Variants in RUNDC3B observed in about 807,000 individuals in gnomAD.
The protein encoded by RUNDC3B is RUN domain containing 3B.
Under a neutral mutation model 58.4 loss-of-function variants are expected in RUNDC3B, and 33 were observed. The ratio of observed to expected loss-of-function variants is 0.56; its 90% CI spans 0.43 to 0.75. The LOEUF (loss-of-function observed/expected upper bound fraction) is 0.75, where lower values mean the gene tolerates loss of function less well. Among genes scored for constraint, RUNDC3B ranks in the 30% least tolerant of loss-of-function variants. The pLI is 0.00. For missense variants in RUNDC3B, 501 were observed against 535.7 expected (o/e 0.94, Z 0.64); for synonymous variants, 193 against 195.2 (o/e 0.99, Z 0.10).
chr7:87,749,964 G>T (rs1419723152), intron 6 of RUNDC3B, among the ~76,000 whole-genome samples: 1 of 151,690 alleles, frequency 6.6e-6, no homozygotes, highest in Non-Finnish European at 1.5e-5. Flanking sequence ...TGCCATGCTG[G>T]TGTGCTGCAC....
intron 8 of RUNDC3B, among the ~76,000 whole-genome samples, chr7:87,787,356 A>C (rs1215381110): frequency 3.3e-5 from 5 of 152,160 alleles, no homozygotes; most frequent in Admixed American, 3.3e-4. Flanking sequence ...CAGAAAATTA[A>C]AATTGTAAAG....
chr7:87,739,279 T>C (rs899407238), intron 4 of RUNDC3B, among the ~76,000 whole-genome samples: 5 of 152,028 alleles, frequency 3.3e-5, no homozygotes, highest in African/African-American at 1.2e-4. Context: ...GATTGCACTA[T>C]TAAGGTTACC....
At chr7:87,799,046 A>G (rs993021576) in intron 8 of RUNDC3B, among the ~76,000 whole-genome samples, 4 of 152,246 alleles carry the variant, frequency 2.6e-5, no homozygotes, top group African/African-American at 7.2e-5. Flanking sequence ...CACAAGCCAT[A>G]TACATGTTTT....
chr7:87,672,985 C>T (rs988171357), intron 2 of RUNDC3B, among the ~76,000 whole-genome samples: 1 of 152,160 alleles, frequency 6.6e-6, no homozygotes, highest in African/African-American at 2.4e-5. Context: ...TGCTTCTGGT[C>T]GGCCATCCTG....
chr7:87,686,116 A>T (rs528366510), intron 2 of RUNDC3B, among the ~76,000 whole-genome samples: 20 of 152,276 alleles, frequency 1.3e-4, no homozygotes, highest in African/African-American at 4.6e-4. Context: ...CACTTGATGT[A>T]TACTTTCTGC....
intron 2 of RUNDC3B, among the ~76,000 whole-genome samples, chr7:87,651,765 C>A (rs1823594460): frequency 1.3e-5 from 2 of 151,940 alleles, no homozygotes; most frequent in Admixed American, 1.3e-4. Flanking sequence ...TGAAAGCATC[C>A]AGGTTTTAAT....
chr7:87,664,955 A>G (rs1031691420), intron 2 of RUNDC3B, among the ~76,000 whole-genome samples: 1 of 152,146 alleles, frequency 6.6e-6, no homozygotes, highest in African/African-American at 2.4e-5. Flanking sequence ...ATGTACCTCA[A>G]CATAATAAAG....
chr7:87,710,239 G>T (rs1829946503), intron 3 of RUNDC3B, among the ~76,000 whole-genome samples: 2 of 152,042 alleles, frequency 1.3e-5, no homozygotes, highest in Admixed American at 6.5e-5. Context: ...TTGTTGATTT[G>T]CGGTATTGAA....
rs139061052 is a variant in RUNDC3B at position 87,748,464 on chromosome 7, T to C, written c.629+6885T>C. 3.8e-3 allele frequency among the ~76,000 whole-genome samples: 574 copies of C among 152,326 alleles called. 3 individuals are homozygous for C. Among genetic ancestry groups the C allele is most frequent in the African/African-American group, 0.013 (553 of 41,580 alleles). On this transcript the variant is annotated intron_variant, in intron 6 of 10. Coordinates refer to ENST00000394654, the MANE Select transcript of RUNDC3B (RefSeq NM_001134405.2). ...CACAATGCAAGCCTCCGCAGGCTGC[T>C]CTGTCTAGAGCTGACATCTAGTCCT...
In RUNDC3B at chr7:87,728,411, G is replaced by C. The variant is rs114558390; in HGVS notation, c.459-11380G>C. 5.0e-3 allele frequency among the ~76,000 whole-genome samples: 766 copies of C among 152,280 alleles called. 3 individuals carry two copies. Among genetic ancestry groups the C allele is most frequent in the African/African-American group, 0.017 (724 of 41,568 alleles). The stretch of plus-strand genomic sequence containing the variant: ...GTAACAAACTATCACAAACTTAGTG[G>C]CTTAAAAACAATACCAATTATTATT... On this transcript the variant is annotated intron_variant, in intron 4 of 10. Transcript: ENST00000394654.
intron 8 of RUNDC3B, among the ~76,000 whole-genome samples, chr7:87,799,001 C>T (rs1030776025): frequency 3.9e-5 from 6 of 152,118 alleles, no homozygotes; most frequent in African/African-American, 9.7e-5. Flanking sequence ...GAATGAAGAA[C>T]ATTGTAATAT....
In RUNDC3B at chr7:87,715,346, TAATTATATATAATTAATTTATAA is replaced by T. The variant is rs1291631282; in HGVS notation, c.458+4692_458+4714del. On this transcript the variant is annotated intron_variant, in intron 4 of 10. Coordinates refer to ENST00000394654, the MANE Select transcript of RUNDC3B (RefSeq NM_001134405.2). ...ATAATTATATATAATTAATTTATAA[TAATTATATATAATTAATTTATAA>T]TAATTATATAATCAATATAATATAA... 4.3e-3 allele frequency among the ~76,000 whole-genome samples: 515 copies of T among 120,074 alleles called. 8 individuals are homozygous for T. The highest frequency in any genetic ancestry group is 0.017 in the African/African-American group (485 of 28,938). 78.8% of individuals were successfully genotyped at this position (120,074 alleles called of 152,430 possible).
At chr7:87,684,385 A>C (rs889543105) in intron 2 of RUNDC3B, among the ~76,000 whole-genome samples, 1 of 152,224 alleles carries the variant, frequency 6.6e-6, no homozygotes, top group Admixed American at 6.5e-5. Context: ...AATTTCATGA[A>C]GGAAGAACTA....
intron 8 of RUNDC3B, among the ~76,000 whole-genome samples, chr7:87,795,425 G>A (rs1835761499): frequency 6.6e-6 from 1 of 152,166 alleles, no homozygotes; most frequent in South Asian, 2.1e-4. Context: ...AAATTACAAT[G>A]AGATATCATC....
At chr7:87,807,831 C>T (rs1836517068) in intron 9 of RUNDC3B, among the ~76,000 whole-genome samples, 1 of 152,058 alleles carries the variant, frequency 6.6e-6, no homozygotes, top group South Asian at 2.1e-4. Context: ...AATTTTCCCA[C>T]TTGTCATAAA....
chr7:87,775,890 T>C (rs1236189078), intron 7 of RUNDC3B, among the ~76,000 whole-genome samples: 1 of 152,298 alleles, frequency 6.6e-6, no homozygotes, highest in East Asian at 1.9e-4. Flanking sequence ...GTAGTGTTCA[T>C]AGAATGGCAA....
chr7:87,770,482 A>G, intron 6 of RUNDC3B, 99 bp from the exon 7 acceptor site: 3 of 888,106 alleles, frequency 3.4e-6, no homozygotes, highest in South Asian at 1.6e-5. Flanking sequence ...AGTACTAAAT[A>G]TTTTCGAATT....
chr7:87,644,894 T>G (rs1822827279), intron 1 of RUNDC3B, among the ~76,000 whole-genome samples: 1 of 151,942 alleles, frequency 6.6e-6, no homozygotes, highest in African/African-American at 2.4e-5. Context: ...AATTTTTAAG[T>G]TATTTTTAAT....
intron 4 of RUNDC3B, among the ~76,000 whole-genome samples, chr7:87,738,376 C>T (rs1320199660): frequency 4.0e-5 from 6 of 151,878 alleles, no homozygotes; most frequent in Non-Finnish European, 8.8e-5. Context: ...TTTGTTAGGC[C>T]AGAAGTTTTC....
Sources: gnomAD v4.1 joint callset for allele counts (sites outside exome capture counted in the v4.1 genomes callset) on GRCh38, gnomAD v4.1.1 for gene constraint, MANE v1.5 for transcripts, NCBI Gene and HGNC (gene_info 2026-07-23, HGNC 2026-07-21) for gene names.